The following ANK3 variants were observed in gnomAD, a reference collection of about 807,000 sequenced individuals.
ANK3 encodes the protein ankyrin 3.
ANK3 carries 57 observed loss-of-function variants against 370.9 expected under a neutral mutation model. That is an observed-to-expected ratio of 0.15 (90% CI 0.12 to 0.19). The LOEUF (loss-of-function observed/expected upper bound fraction) is 0.19, where lower values mean the gene tolerates loss of function less well. ANK3 is among the 10% of genes least tolerant of loss of function. The pLI, the probability that ANK3 is intolerant of heterozygous loss-of-function variation, is 1.00. For missense variants in ANK3, 4,439 were observed against 5,302.1 expected, an observed-to-expected ratio of 0.84 and a Z score of 5.06; for synonymous variants, 1,929 against 1,946.3, an observed-to-expected ratio of 0.99 and a Z score of 0.23.
chr10:60,089,027 A>C (rs1416010830), intron 28 of ANK3, among the ~76,000 whole-genome samples: 2 of 152,224 alleles, frequency 1.3e-5, no homozygotes, highest in African/African-American at 4.8e-5. Context: ...GTGAGGCCTC[A>C]TAAGAAAGTG....
At chr10:60,526,683 A>G (rs535206007) in intron 2 of ANK3, among the ~76,000 whole-genome samples, 1 of 152,304 alleles carries the variant, frequency 6.6e-6, no homozygotes, top group South Asian at 2.1e-4. Flanking sequence ...ACAGATTTCC[A>G]GAAAATTATG....
In ANK3 at chr10:60,074,336, T is replaced by A. The variant is rs375182759; in HGVS notation, c.6545A>T (p.Asp2182Val). Residue 2182 changes from aspartate to valine, a missense_variant, in exon 37 of 44, where the codon GAT (aspartate) becomes GTT (valine). Physicochemically the swap from Asp to Val is radical, Grantham distance 152. Coordinates refer to ENST00000280772, the MANE Select transcript of ANK3 (RefSeq NM_020987.5). ...VIRSYDPSAG[D>V]VPQTQPEEPV... ...CTCCTCTGGTTGGGTCTGGGGAACA[T>A]CCCCAGCTGAGGGATCATAGCTCCT... 5.6e-6 allele frequency: 9 copies of A among 1,613,866 alleles called. No individual in the cohort carries two copies. The highest frequency in any genetic ancestry group is 6.8e-6 in the Non-Finnish European group (8 of 1,179,972).
At position 60,319,928 on chromosome 10, in the gene ANK3, C is replaced by G. The variant is rs532452252; in HGVS notation, c.115-40289G>C. On this transcript the variant is annotated intron_variant, in intron 1 of 43. Transcript: ENST00000280772. ...CATGACATTCCAGACAAGAGTTTCT[C>G]AAACTGGTACTCCAGAGGAATTCCT... is the stretch of plus-strand genomic sequence containing the variant. Among the ~76,000 whole-genome samples, 22 of 152,272 alleles carry G rather than the reference C, an allele frequency of 1.4e-4. 1 individual carries two copies. The South Asian group carries it at 4.6e-3, about 32-fold the overall frequency.
chr10:60,500,413 A>G (rs771957427), intron 2 of ANK3, among the ~76,000 whole-genome samples: 60 of 152,182 alleles, frequency 3.9e-4, no homozygotes, highest in Non-Finnish European at 7.5e-4. Context: ...TGTGGAAGGT[A>G]TTAGGAATAT....
chr10:60,612,055 A>G (rs1191318601), intron 2 of ANK3, among the ~76,000 whole-genome samples: 1 of 152,116 alleles, frequency 6.6e-6, no homozygotes, highest in Non-Finnish European at 1.5e-5. Context: ...TAATCCCAGG[A>G]GGATTTTAAT....
intron 23 of ANK3, among the ~76,000 whole-genome samples, chr10:60,147,342 C>G (rs1310768650): frequency 3.9e-5 from 6 of 152,164 alleles, no homozygotes; most frequent in Admixed American, 3.9e-4. Flanking sequence ...CTTCCTGCCC[C>G]CTTCACTCTC....
chr10:60,206,314 A>G (rs1178579134), intron 10 of ANK3, among the ~76,000 whole-genome samples: 5 of 152,100 alleles, frequency 3.3e-5, no homozygotes, highest in Admixed American at 3.3e-4. Flanking sequence ...CTCTACTAAA[A>G]ATACAAAAAT....
intron 16 of ANK3, among the ~76,000 whole-genome samples, chr10:60,191,322 T>C (rs1233170331): frequency 6.6e-6 from 1 of 151,872 alleles, no homozygotes. Context: ...GGAGAAAATA[T>C]TCACAACTAT....
chr10:60,669,335 T>TA (rs1316279224), intron 1 of ANK3, among the ~76,000 whole-genome samples: 1 of 152,206 alleles, frequency 6.6e-6, no homozygotes, highest in Non-Finnish European at 1.5e-5. Flanking sequence ...GGCAGCCACT[T>TA]ACACCCATTT....
chr10:60,306,751 T>C (rs2045222433), intron 1 of ANK3, among the ~76,000 whole-genome samples: 1 of 152,188 alleles, frequency 6.6e-6, no homozygotes, highest in African/African-American at 2.4e-5. Flanking sequence ...CCCAGAGTGA[T>C]TGCATGATGG....
intron 28 of ANK3, 110 bp downstream of exon 28, chr10:60,105,795 C>T (rs959206655): frequency 8.3e-6 from 10 of 1,203,150 alleles, no homozygotes; most frequent in Admixed American, 2.8e-5. Context: ...AACTTGGGTC[C>T]TAGCTTAAAA....
intron 1 of ANK3, among the ~76,000 whole-genome samples, chr10:60,382,528 CA>C (rs2132837792): frequency 6.6e-6 from 1 of 152,154 alleles, no homozygotes; most frequent in African/African-American, 2.4e-5. Flanking sequence ...TTCATGACTC[CA>C]CTTTGGTCCA....
At chr10:60,566,860 G>C (rs2077475709) in intron 2 of ANK3, among the ~76,000 whole-genome samples, 1 of 152,198 alleles carries the variant, frequency 6.6e-6, no homozygotes, top group African/African-American at 2.4e-5. Context: ...GGGCAACAAA[G>C]AGTGAGACCC....
chr10:60,429,458 T>C (rs1805472939), intron 2 of ANK3, among the ~76,000 whole-genome samples: 1 of 152,192 alleles, frequency 6.6e-6, no homozygotes, highest in African/African-American at 2.4e-5. Flanking sequence ...GATAGAATTT[T>C]CTCTAAAAAG....
At chr10:60,663,912 A>G (rs1173681529) in intron 1 of ANK3, among the ~76,000 whole-genome samples, 2 of 152,224 alleles carry the variant, frequency 1.3e-5, no homozygotes, top group Non-Finnish European at 2.9e-5. Context: ...ATTTTTAAGT[A>G]AGAAATGAAA....
At position 60,108,967 on chromosome 10, in the gene ANK3, G is replaced by T. The variant is rs367802499; in HGVS notation, c.3036C>A (p.Arg1012=). 6.2e-7 allele frequency: 1 copy of T among 1,614,004 alleles called. No homozygotes were observed. The highest frequency in any genetic ancestry group is 1.3e-5 in the African/African-American group (1 of 75,004). ...TGATTCGAGTGGGGGCCGTACACTTGCGTGGAGGAATGATGATTCTCATCC... is the reference window on the plus strand; with the variant it reads ...TGATTCGAGTGGGGGCCGTACACTTTCGTGGAGGAATGATGATTCTCATCC... ...HHGMRIIIPP[R]KCTAPTRITC... is the part of the protein sequence containing the mutation. The change falls in exon 27 of 44, where the codon CGC becomes CGA. Residue 1012 remains arginine (R), a synonymous_variant. Transcript: ENST00000280772.
chr10:60,516,633 TAGG>T (rs2076226074), intron 2 of ANK3, among the ~76,000 whole-genome samples: 1 of 151,968 alleles, frequency 6.6e-6, no homozygotes, highest in Admixed American at 6.6e-5. Flanking sequence ...AAAAAAAAAT[TAGG>T]AGTAGTTAGT....
intron 8 of ANK3, among the ~76,000 whole-genome samples, chr10:60,215,259 C>T (rs193037905): frequency 2.1e-4 from 32 of 152,182 alleles, no homozygotes; most frequent in Admixed American, 5.9e-4. Context: ...TGGATACTAG[C>T]CCTTTGTCAA....
chr10:60,345,029 C>T (rs950111315), intron 1 of ANK3, among the ~76,000 whole-genome samples: 97 of 152,218 alleles, frequency 6.4e-4, no homozygotes, highest in African/African-American at 2.2e-3. Flanking sequence ...AGTAAATGTC[C>T]TTTTGTTTTG....
Sources: gnomAD v4.1 joint callset for allele counts (sites outside exome capture counted in the v4.1 genomes callset) on GRCh38, gnomAD v4.1.1 for gene constraint, MANE v1.5 for transcripts, NCBI Gene and HGNC (gene_info 2026-07-23, HGNC 2026-07-21) for gene names.